HS2ST1: variants seen among roughly 807,000 people sequenced by gnomAD.
HS2ST1 encodes heparan sulfate 2-O-sulfotransferase 1.
A neutral mutation model predicts 42.9 loss-of-function variants in HS2ST1; 18 were observed. The observed-to-expected ratio is 0.42, with a 90% confidence interval of 0.29 to 0.62. HS2ST1 has a LOEUF of 0.62. HS2ST1 is among the 20% of genes least tolerant of loss of function. HS2ST1 has a pLI of 0.21. For synonymous variants in HS2ST1, 146 were observed against 152.9 expected, an observed-to-expected ratio of 0.95 and a Z score of 0.33; for missense variants, 334 against 433.8, an observed-to-expected ratio of 0.77 and a Z score of 2.04.
chr1:86,968,319 C>T (rs1237795250), intron 1 of HS2ST1, among the ~76,000 whole-genome samples: 2 of 152,212 alleles, frequency 1.3e-5, no homozygotes, highest in South Asian at 2.1e-4. Flanking sequence ...TAGATGTAGG[C>T]TTTGCATGAT....
At chr1:87,071,874 G>A (rs1428076684) in intron 1 of HS2ST1, among the ~76,000 whole-genome samples, 1 of 152,100 alleles carries the variant, frequency 6.6e-6, no homozygotes, top group Admixed American at 6.6e-5. Context: ...AGACTTGGGG[G>A]TTAAGAGAGT....
At chr1:87,059,179 AC>A (rs1234353448) in intron 1 of HS2ST1, among the ~76,000 whole-genome samples, 8 of 152,136 alleles carry the variant, frequency 5.3e-5, no homozygotes, top group Admixed American at 3.3e-4. Flanking sequence ...AAATTGCCAT[AC>A]GTTTTTTTGC....
At chr1:87,022,283 CAAAG>C (rs1401156482) in intron 1 of HS2ST1, among the ~76,000 whole-genome samples, 79 of 152,276 alleles carry the variant, frequency 5.2e-4, no homozygotes, top group African/African-American at 1.9e-3. Flanking sequence ...GTAAGATTTA[CAAAG>C]CTGCCAACAC....
chr1:87,029,955 G>A (rs1176334697), intron 1 of HS2ST1, among the ~76,000 whole-genome samples: 1 of 152,224 alleles, frequency 6.6e-6, no homozygotes, highest in Admixed American at 6.5e-5. Context: ...CAGAAGAAAG[G>A]TATTTCGGTA....
chr1:87,006,255 T>C (rs1292722546), intron 1 of HS2ST1, among the ~76,000 whole-genome samples: 1 of 152,122 alleles, frequency 6.6e-6, no homozygotes, highest in Non-Finnish European at 1.5e-5. Context: ...CAATTTAGCA[T>C]TGACATGACC....
chr1:87,089,890 A>G (rs957615552), intron 3 of HS2ST1, among the ~76,000 whole-genome samples: 2 of 151,958 alleles, frequency 1.3e-5, no homozygotes, highest in Admixed American at 6.6e-5. Context: ...TCTGCTCCAC[A>G]TGTCAGGGAC....
rs1409672016 is a variant in HS2ST1, at chr1:87,101,150, T to TG, written c.687-2282_687-2281insG. ...CATCACTTTTGTGTGTGTGTGTGTGTTTTTTGTTTTTTTTTTTTTTTTTTT... is the reference window on the plus strand; with the variant it reads ...CATCACTTTTGTGTGTGTGTGTGTGTGTTTTTGTTTTTTTTTTTTTTTTTTT... On this transcript the variant is annotated intron_variant, in intron 5 of 6. Transcript: ENST00000370550. Among the ~76,000 whole-genome samples the TG allele has an allele frequency of 1.9e-3, 121 of 65,278 alleles. 2 individuals are homozygous for TG. The highest frequency in any genetic ancestry group is 6.2e-3 in the East Asian group (12 of 1,930). The allele number at this position is 65,278 out of a possible 152,430, so 42.8% of individuals were successfully genotyped here.
intron 1 of HS2ST1, among the ~76,000 whole-genome samples, chr1:87,024,681 A>G (rs922007883): frequency 6.6e-6 from 1 of 152,160 alleles, no homozygotes; most frequent in Non-Finnish European, 1.5e-5. Context: ...AGAAAAGGTA[A>G]AGTACCCTAC....
rs1652295499 is a variant in HS2ST1 at position 87,104,826 on chromosome 1, A to C, written c.*130A>C. The C allele has an allele frequency of 6.6e-6, 4 of 607,906 alleles. No individual in the cohort carries two copies. In the South Asian group the frequency reaches 8.4e-5, roughly 13 times the overall value. The allele number at this position is 607,906 out of a possible 1,614,324, so 37.7% of individuals were successfully genotyped here. A position where few individuals can be genotyped will look rare whatever the true frequency, so the allele number is the denominator to read the frequency against. ...TTTGTATTGAGCCAAATTAGGAAAC[A>C]GACAGTAACGTCAAGGAAGTAGATA... On this transcript the variant is annotated 3_prime_UTR_variant, in exon 7 of 7. Transcript: ENST00000370550.
At chr1:87,000,715 T>C (rs1041552454) in intron 1 of HS2ST1, among the ~76,000 whole-genome samples, 5 of 152,342 alleles carry the variant, frequency 3.3e-5, no homozygotes, top group South Asian at 2.1e-4. Flanking sequence ...TACTATTGTT[T>C]TCTTTATAGG....
chr1:86,984,484 A>G (rs143025291), intron 1 of HS2ST1, among the ~76,000 whole-genome samples: 52 of 152,344 alleles, frequency 3.4e-4, no homozygotes, highest in African/African-American at 1.3e-3. Flanking sequence ...GTTTGGATGT[A>G]TAAGAATTCA....
chr1:86,928,695 A>G (rs116393530), intron 1 of HS2ST1, among the ~76,000 whole-genome samples: 292 of 152,138 alleles, frequency 1.9e-3, no homozygotes, highest in African/African-American at 6.2e-3. Flanking sequence ...ATTTTTAAAA[A>G]TAAAATAGAA....
intron 3 of HS2ST1, among the ~76,000 whole-genome samples, chr1:87,085,930 G>A (rs1193969955): frequency 2.0e-5 from 3 of 152,094 alleles, no homozygotes; most frequent in Admixed American, 6.6e-5. Context: ...ATTTTTAAGC[G>A]TTTGAATATT....
chr1:87,063,631 G>A (rs927251966), intron 1 of HS2ST1, among the ~76,000 whole-genome samples: 8 of 152,108 alleles, frequency 5.3e-5, no homozygotes, highest in African/African-American at 1.4e-4. Flanking sequence ...TACCATGCCC[G>A]GCCTGGTTCT....
intron 1 of HS2ST1, among the ~76,000 whole-genome samples, chr1:87,001,397 C>T (rs1649280019): frequency 6.6e-6 from 1 of 152,042 alleles, no homozygotes; most frequent in African/African-American, 2.4e-5. Flanking sequence ...TTTCCTTGCC[C>T]TGTCATTTTT....
chr1:87,034,079 GT>G (rs1255349331), intron 1 of HS2ST1, among the ~76,000 whole-genome samples: 1 of 152,140 alleles, frequency 6.6e-6, no homozygotes, highest in Non-Finnish European at 1.5e-5. Context: ...TAAAGATGTA[GT>G]AATAGTTCTT....
chr1:87,072,014 A>T (rs921281704), intron 1 of HS2ST1, among the ~76,000 whole-genome samples: 1 of 151,980 alleles, frequency 6.6e-6, no homozygotes, highest in African/African-American at 2.4e-5. Context: ...AAGAAAAAAT[A>T]TATATTTGAA....
chr1:86,987,437 G>T (rs1225074128), intron 1 of HS2ST1, among the ~76,000 whole-genome samples: 4 of 152,102 alleles, frequency 2.6e-5, no homozygotes, highest in Non-Finnish European at 2.9e-5. Context: ...AGATTTTAAA[G>T]CATAGAGAAT....
In HS2ST1 at chr1:87,104,909, G is replaced by A. The variant is rs1652297649; in HGVS notation, c.*213G>A. The A allele has an allele frequency of 1.7e-5, 8 of 481,686 alleles. No individual in the cohort carries two copies. The highest frequency in any genetic ancestry group is 7.4e-5 in the Admixed American group (2 of 26,864). The allele number at this position is 481,686 out of a possible 1,614,324, so 29.8% of individuals were successfully genotyped here. A position where few individuals can be genotyped will look rare whatever the true frequency, so the allele number is the denominator to read the frequency against. ...GCATTTTTATTTTTCCTGGCTAAAC[G>A]TTGGTGAAAGTTATAACCTCCTGCC... On this transcript the variant is annotated 3_prime_UTR_variant, in exon 7 of 7. Coordinates refer to ENST00000370550, the MANE Select transcript of HS2ST1 (RefSeq NM_012262.4).
Sources: gnomAD v4.1 joint callset for allele counts (sites outside exome capture counted in the v4.1 genomes callset) on GRCh38, gnomAD v4.1.1 for gene constraint, MANE v1.5 for transcripts, NCBI Gene and HGNC (gene_info 2026-07-23, HGNC 2026-07-21) for gene names.